The following FRMD4A variants were observed in gnomAD, a reference collection of about 807,000 sequenced individuals.
The protein encoded by FRMD4A is FERM domain containing 4A.
Under a neutral mutation model 129.1 loss-of-function variants are expected in FRMD4A, and 29 were observed. The observed-to-expected ratio is 0.22, with a 90% CI of 0.17 to 0.31. The LOEUF is 0.31. Ranked by LOEUF, FRMD4A falls within the 10% of genes least tolerant of loss-of-function variation. FRMD4A has a pLI of 1.00. For missense variants in FRMD4A, 1,272 were observed against 1,375.8 expected, an observed-to-expected ratio of 0.92 and a Z score of 1.19; for synonymous variants, 634 against 571.6, an observed-to-expected ratio of 1.11 and a Z score of -1.56.
At chr10:13,737,176 G>A (rs1040295628) in intron 12 of FRMD4A, among the ~76,000 whole-genome samples, 43 of 152,138 alleles carry the variant, frequency 2.8e-4, no homozygotes, top group African/African-American at 9.7e-4. Flanking sequence ...TGCAATCTCC[G>A]CCTCCCGGGC....
At chr10:13,933,845 A>G (rs11591972) in intron 2 of FRMD4A, among the ~76,000 whole-genome samples, 31,330 of 152,124 alleles carry the variant, frequency 0.21, 3,583 homozygotes, top group Non-Finnish European at 0.25. Context: ...CTAGGGGAGC[A>G]GGGGGCAGGT....
chr10:13,657,791 T>TG (rs1433522525), intron 21 of FRMD4A, among the ~76,000 whole-genome samples: 6 of 149,996 alleles, frequency 4.0e-5, no homozygotes, highest in Non-Finnish European at 8.9e-5. Context: ...TTTCTGGGTT[T>TG]TTTTTTTTTT....
chr10:14,292,200 G>A (rs921342277), intron 2 of FRMD4A, among the ~76,000 whole-genome samples: 7 of 152,124 alleles, frequency 4.6e-5, no homozygotes, highest in East Asian at 1.9e-4. Context: ...CAGTTTATAC[G>A]GAAACATAAC....
chr10:13,649,710 G>C (rs2081393930), intron 24 of FRMD4A: 1 of 152,206 alleles, frequency 6.6e-6, no homozygotes, highest in Non-Finnish European at 1.5e-5. Flanking sequence ...CTGGGGAAGA[G>C]ACCCTTGTTC....
intron 2 of FRMD4A, among the ~76,000 whole-genome samples, chr10:14,170,175 A>T (rs986106300): frequency 6.6e-6 from 1 of 152,180 alleles, no homozygotes; most frequent in Non-Finnish European, 1.5e-5. Context: ...TATTGTGTGT[A>T]TTTCAGAATT....
At chr10:13,770,057 TCTGA>T (rs1418720769) in intron 6 of FRMD4A, among the ~76,000 whole-genome samples, 1 of 152,190 alleles carries the variant, frequency 6.6e-6, no homozygotes, top group Non-Finnish European at 1.5e-5. Flanking sequence ...GTTCTGTCCC[TCTGA>T]CTAATACACC....
intron 2 of FRMD4A, among the ~76,000 whole-genome samples, chr10:13,905,527 T>C (rs12267011): frequency 0.013 from 2,043 of 152,246 alleles, 48 homozygotes; most frequent in African/African-American, 0.046. Context: ...CAAAGGAAAT[T>C]CCCTTGGAAA....
chr10:13,928,927 A>T (rs2131279270), intron 2 of FRMD4A, among the ~76,000 whole-genome samples: 1 of 152,318 alleles, frequency 6.6e-6, no homozygotes, highest in East Asian at 1.9e-4. Context: ...GTCACATGGA[A>T]TTCTCAGTTT....
intron 11 of FRMD4A, among the ~76,000 whole-genome samples, chr10:13,738,860 A>G (rs376919612): frequency 2.0e-5 from 3 of 152,140 alleles, no homozygotes; most frequent in Admixed American, 6.5e-5. Context: ...ACCTCAGCTG[A>G]TCCACCCGTC....
intron 2 of FRMD4A, among the ~76,000 whole-genome samples, chr10:14,042,856 C>T (rs138728480): frequency 2.4e-4 from 34 of 141,980 alleles, no homozygotes; most frequent in African/African-American, 6.9e-4. Context: ...ATCCTAGCTA[C>T]TCGGGACGCT....
intron 2 of FRMD4A, among the ~76,000 whole-genome samples, chr10:14,202,623 A>T (rs1228269066): frequency 6.6e-6 from 1 of 151,644 alleles, no homozygotes; most frequent in Non-Finnish European, 1.5e-5. Context: ...CTGGTCTCGA[A>T]CTCCTGACCT....
At chr10:14,321,870 G>A (rs1056052264) in intron 2 of FRMD4A, among the ~76,000 whole-genome samples, 22 of 152,038 alleles carry the variant, frequency 1.4e-4, no homozygotes, top group Admixed American at 9.2e-4. Flanking sequence ...TCATGGGGGC[G>A]GACTTCTCCC....
chr10:14,247,369 C>T (rs977554997), intron 2 of FRMD4A, among the ~76,000 whole-genome samples: 3 of 152,206 alleles, frequency 2.0e-5, no homozygotes, highest in Non-Finnish European at 2.9e-5. Context: ...GACATTTACA[C>T]GGTGCCCAGA....
intron 4 of FRMD4A, among the ~76,000 whole-genome samples, chr10:13,800,892 C>A (rs762654976): frequency 3.9e-5 from 6 of 152,210 alleles, no homozygotes; most frequent in Non-Finnish European, 7.3e-5. Context: ...ACTGGCAATT[C>A]CTTTGTTCCC....
chr10:13,718,626 A>G (rs2089108346), intron 12 of FRMD4A, among the ~76,000 whole-genome samples: 1 of 152,206 alleles, frequency 6.6e-6, no homozygotes, highest in African/African-American at 2.4e-5. Flanking sequence ...TCTTTCCCCC[A>G]GAGGACTTCT....
At chr10:14,300,236 G>A (rs1054580704) in intron 2 of FRMD4A, among the ~76,000 whole-genome samples, 3 of 152,052 alleles carry the variant, frequency 2.0e-5, no homozygotes, top group Non-Finnish European at 2.9e-5. Context: ...GACCTCTGAC[G>A]TTAAACTGCT....
At chr10:13,956,882 G>T (rs571175540) in intron 2 of FRMD4A, among the ~76,000 whole-genome samples, 3 of 152,300 alleles carry the variant, frequency 2.0e-5, no homozygotes, top group Admixed American at 6.5e-5. Context: ...CTGGGAAGGG[G>T]GAAAGTGTAG....
chr10:14,122,092 C>T (rs532148880), intron 2 of FRMD4A, among the ~76,000 whole-genome samples: 5 of 152,342 alleles, frequency 3.3e-5, no homozygotes, highest in African/African-American at 1.2e-4. Flanking sequence ...CCCCTAACAA[C>T]GCTGTCTCTG....
intron 2 of FRMD4A, among the ~76,000 whole-genome samples, chr10:14,143,102 G>C (rs1305836160): frequency 2.0e-5 from 3 of 152,162 alleles, no homozygotes; most frequent in Non-Finnish European, 4.4e-5. Flanking sequence ...AAAATAAAGA[G>C]AATTATATGA....
Sources: allele counts gnomAD v4.1 joint callset (sites outside exome capture counted in the v4.1 genomes callset), GRCh38; gene constraint gnomAD v4.1.1; transcripts MANE v1.5; gene names NCBI Gene and HGNC (gene_info 2026-07-23, HGNC 2026-07-21).